Variants in KLHL20 observed in about 807,000 individuals in gnomAD.
The protein encoded by KLHL20 is kelch-like protein 20.
Under a neutral mutation model 69.5 loss-of-function variants are expected in KLHL20, and 29 were observed. The observed-to-expected ratio is 0.42, with a 90% CI of 0.31 to 0.57. The LOEUF is 0.57. Ranked by LOEUF, KLHL20 falls within the 20% of genes least tolerant of loss-of-function variation. The pLI, the probability that KLHL20 is intolerant of heterozygous loss-of-function variation, is 0.18. For missense variants in KLHL20, 419 were observed against 776.0 expected (o/e 0.54, Z 5.47); for synonymous variants, 253 against 265.2 (o/e 0.95, Z 0.45).
chr1:173,717,924 GCA>G (rs2102447937), intron 2 of KLHL20, among the ~76,000 whole-genome samples: 1 of 152,168 alleles, frequency 6.6e-6, no homozygotes, highest in South Asian at 2.1e-4. Context: ...CATTTGCATA[GCA>G]CAATGCAAAA....
At chr1:173,723,544 T>C in intron 2 of KLHL20, among the ~76,000 whole-genome samples, 1 of 152,226 alleles carries the variant, frequency 6.6e-6, no homozygotes, top group East Asian at 1.9e-4. Context: ...GAGACTCCTT[T>C]TACACTTTAG....
At chr1:173,762,894 A>G (rs1647402338) in intron 7 of KLHL20, among the ~76,000 whole-genome samples, 1 of 152,198 alleles carries the variant, frequency 6.6e-6, no homozygotes, top group African/African-American at 2.4e-5. Flanking sequence ...GACAAGAGAA[A>G]GAAATAAAGG....
chr1:173,749,396 G>A (rs770440700), intron 3 of KLHL20, among the ~76,000 whole-genome samples: 13 of 152,140 alleles, frequency 8.5e-5, no homozygotes, highest in Non-Finnish European at 1.6e-4. Flanking sequence ...TACCATAATC[G>A]TGTGGGGCTT....
intron 2 of KLHL20, among the ~76,000 whole-genome samples, chr1:173,717,179 C>T (rs887140874): frequency 1.3e-5 from 2 of 152,178 alleles, no homozygotes; most frequent in African/African-American, 4.8e-5. Flanking sequence ...CTGATTGTGT[C>T]TCATCTCCAG....
At chr1:173,747,392 G>T (rs778985984) in intron 3 of KLHL20, among the ~76,000 whole-genome samples, 2 of 151,984 alleles carry the variant, frequency 1.3e-5, no homozygotes, top group African/African-American at 2.4e-5. Flanking sequence ...TTTGAGCTTT[G>T]TAAAGTGTTC....
At chr1:173,765,393 C>T (rs1191623293) in intron 7 of KLHL20, among the ~76,000 whole-genome samples, 2 of 151,988 alleles carry the variant, frequency 1.3e-5, no homozygotes, top group Non-Finnish European at 2.9e-5. Context: ...GTCCCAGCTA[C>T]TTGGGAGGCT....
chr1:173,739,009 G>C (rs1216751403), intron 3 of KLHL20, among the ~76,000 whole-genome samples: 2 of 152,060 alleles, frequency 1.3e-5, no homozygotes, highest in Non-Finnish European at 2.9e-5. Flanking sequence ...TGGCTTCATA[G>C]AATGATTTAG....
intron 10 of KLHL20, among the ~76,000 whole-genome samples, chr1:173,781,172 G>A (rs567986722): frequency 6.6e-6 from 1 of 152,220 alleles, no homozygotes; most frequent in Non-Finnish European, 1.5e-5. Context: ...TGCAGCAATA[G>A]GATTCATTAG....
chr1:173,746,951 TA>T (rs1673088465), intron 3 of KLHL20, among the ~76,000 whole-genome samples: 1 of 152,002 alleles, frequency 6.6e-6, no homozygotes. Context: ...AAATTCTGTT[TA>T]TATTTCTGTA....
At chr1:173,725,032 C>A (rs1418319163) in intron 2 of KLHL20, among the ~76,000 whole-genome samples, 2 of 151,604 alleles carry the variant, frequency 1.3e-5, no homozygotes, top group East Asian at 3.9e-4. Flanking sequence ...TTATTTGACT[C>A]TTCTTCTTGA....
At chr1:173,715,866 A>G (rs1461971358) in intron 1 of KLHL20, 137 bp from the exon 2 acceptor site, 5 of 583,744 alleles carry the variant, frequency 8.6e-6, no homozygotes, top group African/African-American at 7.4e-5. Context: ...GTTATTGTGC[A>G]TCTGCAGAAG....
chr1:173,784,932 T>G (rs931609268), intron 11 of KLHL20, among the ~76,000 whole-genome samples: 14 of 152,204 alleles, frequency 9.2e-5, no homozygotes, highest in Non-Finnish European at 2.1e-4. Flanking sequence ...TCACACAGCC[T>G]CCTATGAGTG....
chr1:173,768,949 C>A (rs1297865372), intron 8 of KLHL20, among the ~76,000 whole-genome samples: 1 of 152,094 alleles, frequency 6.6e-6, no homozygotes, highest in African/African-American at 2.4e-5. Context: ...AACAAAAGAA[C>A]CTCAAACTAG....
intron 2 of KLHL20, among the ~76,000 whole-genome samples, chr1:173,728,976 G>A (rs1428865406): frequency 3.9e-5 from 6 of 152,038 alleles, no homozygotes; most frequent in East Asian, 1.9e-4. Flanking sequence ...TTGATAGACC[G>A]CTAGCAAGAC....
At chr1:173,758,021 G>A (rs1264786654) in intron 7 of KLHL20, among the ~76,000 whole-genome samples, 1 of 152,150 alleles carries the variant, frequency 6.6e-6, no homozygotes, top group African/African-American at 2.4e-5. Context: ...GATATAGATT[G>A]TGCAGCTGGG....
chr1:173,733,315 G>A (rs1406770846), intron 2 of KLHL20, among the ~76,000 whole-genome samples: 2 of 152,204 alleles, frequency 1.3e-5, no homozygotes, highest in East Asian at 1.9e-4. Flanking sequence ...ACACCAGGCC[G>A]TCAGTCCAAA....
At chr1:173,715,925 T>C in intron 1 of KLHL20, 78 bp from the exon 2 acceptor site, 1 of 1,035,516 alleles carries the variant, frequency 9.7e-7, no homozygotes, top group Non-Finnish European at 1.5e-6. Context: ...ACGAAATGAG[T>C]GAAATGATTA....
At chr1:173,753,376 G>A (rs1673395709) in intron 5 of KLHL20, 69 bp downstream of exon 5, 7 of 1,127,694 alleles carry the variant, frequency 6.2e-6, no homozygotes, top group East Asian at 4.9e-5. Context: ...TTCCTTATTT[G>A]TATTGCTTCC....
At chr1:173,775,905 C>T in intron 10 of KLHL20, 63 bp downstream of exon 10, 1 of 1,347,834 alleles carries the variant, frequency 7.4e-7, no homozygotes, top group Non-Finnish European at 1.1e-6. Context: ...CTGCAATAAA[C>T]ATGGGAGTGC....
Sources: allele counts gnomAD v4.1 joint callset (sites outside exome capture counted in the v4.1 genomes callset), GRCh38; gene constraint gnomAD v4.1.1; transcripts MANE v1.5; gene names NCBI Gene and HGNC (gene_info 2026-07-23, HGNC 2026-07-21).